The following GDAP1 variants were observed in gnomAD, a reference collection of about 807,000 sequenced individuals.
GDAP1 encodes the protein ganglioside induced differentiation associated protein 1.
Under a neutral mutation model 40.1 loss-of-function variants are expected in GDAP1, and 34 were observed. The ratio of observed to expected loss-of-function variants is 0.85; its 90% CI spans 0.64 to 1.13. The LOEUF (loss-of-function observed/expected upper bound fraction) is 1.13, where lower values mean the gene tolerates loss of function less well. Ranked by LOEUF, GDAP1 falls within the 50% of genes most tolerant of loss-of-function variation. GDAP1 has a pLI of 0.00. For synonymous variants in GDAP1, 170 were observed against 157.4 expected (o/e 1.08, Z -0.60); for missense variants, 374 against 433.7 (o/e 0.86, Z 1.22).
At chr8:74,413,507 T>G (rs1033784058) in intron 2 of GDAP1, among the ~76,000 whole-genome samples, 1 of 149,648 alleles carries the variant, frequency 6.7e-6, no homozygotes, top group African/African-American at 2.6e-5. Flanking sequence ...CTACTGAGAA[T>G]TAGAAAGGAA....
intron 2 of GDAP1, among the ~76,000 whole-genome samples, chr8:74,402,861 A>G (rs1810371897): frequency 6.6e-6 from 1 of 150,442 alleles, no homozygotes; most frequent in South Asian, 2.1e-4. Context: ...GTCAAGATAT[A>G]TCTGAACAGA....
chr8:74,377,151 A>G (rs1458449731), intron 2 of GDAP1, among the ~76,000 whole-genome samples: 1 of 152,202 alleles, frequency 6.6e-6, no homozygotes, highest in African/African-American at 2.4e-5. Context: ...GGAAAAGATT[A>G]CTAGAAAGGA....
intron 2 of GDAP1, among the ~76,000 whole-genome samples, chr8:74,352,535 G>A (rs1006121588): frequency 1.3e-5 from 2 of 152,220 alleles, no homozygotes; most frequent in Admixed American, 1.3e-4. Context: ...CTAGATGGTG[G>A]GCAGTGGCGA....
At chr8:74,435,020 A>G (rs1806071444) in intron 2 of GDAP1, among the ~76,000 whole-genome samples, 1 of 152,204 alleles carries the variant, frequency 6.6e-6, no homozygotes, top group African/African-American at 2.4e-5. Flanking sequence ...TGCTTTAAAA[A>G]TATATTGAAT....
In GDAP1 at chr8:74,410,595, T is replaced by C. The variant is rs554400744; in HGVS notation, c.165+59274T>C. ...AATGGGAGAAAAGTATAGTAGTTCT[T>C]TGTATGAGTTAAAGCTTAACAACAT... is the stretch of plus-strand genomic sequence containing the variant. On this transcript the variant is annotated intron_variant, in intron 2 of 2. Transcript: ENST00000523640. 6.0e-5 allele frequency among the ~76,000 whole-genome samples: 9 copies of C among 150,236 alleles called. No individual in the cohort carries two copies. In the South Asian group the frequency reaches 1.7e-3, roughly 28 times the overall value.
chr8:74,427,922 A>T (rs564676555), intron 2 of GDAP1, among the ~76,000 whole-genome samples: 1 of 152,334 alleles, frequency 6.6e-6, no homozygotes, highest in East Asian at 1.9e-4. Context: ...CACATTATAA[A>T]ATAATTTTAA....
intron 2 of GDAP1, among the ~76,000 whole-genome samples, chr8:74,385,160 T>C (rs1810007502): frequency 6.6e-6 from 1 of 152,120 alleles, no homozygotes; most frequent in Non-Finnish European, 1.5e-5. Flanking sequence ...GATAAAGAGA[T>C]AGGTGGTATA....
chr8:74,361,034 T>TA (rs1809336743), intron 3 of GDAP1, among the ~76,000 whole-genome samples: 1 of 152,106 alleles, frequency 6.6e-6, no homozygotes, highest in Non-Finnish European at 1.5e-5. Flanking sequence ...TCCTTTTTGA[T>TA]ACCCCTCCTT....
intron 2 of GDAP1, among the ~76,000 whole-genome samples, chr8:74,387,769 TTTTTAC>T (rs1810046739): frequency 6.6e-6 from 1 of 152,168 alleles, no homozygotes; most frequent in Non-Finnish European, 1.5e-5. Flanking sequence ...CCAGCTCCTC[TTTTTAC>T]CCCTGGTAGA....
intron 2 of GDAP1, among the ~76,000 whole-genome samples, chr8:74,477,595 C>A (rs1806647368): frequency 6.6e-6 from 1 of 152,200 alleles, no homozygotes; most frequent in South Asian, 2.1e-4. Flanking sequence ...TATTCTCTAA[C>A]CCTGGGGTAC....
chr8:74,431,304 A>G (rs1363739138), intron 2 of GDAP1, among the ~76,000 whole-genome samples: 1 of 152,000 alleles, frequency 6.6e-6, no homozygotes, highest in East Asian at 1.9e-4. Flanking sequence ...AATGAGATAT[A>G]TACTGAAGAA....
intron 2 of GDAP1, among the ~76,000 whole-genome samples, chr8:74,425,357 G>C (rs186953627): frequency 6.6e-6 from 1 of 152,166 alleles, no homozygotes; most frequent in Admixed American, 6.5e-5. Context: ...GAAGACAAAT[G>C]ATGGTTCATT....
intron 2 of GDAP1, among the ~76,000 whole-genome samples, chr8:74,386,612 G>A (rs1208957833): frequency 6.6e-6 from 1 of 152,170 alleles, no homozygotes; most frequent in African/African-American, 2.4e-5. Context: ...TGGAAGTCAG[G>A]TAGCGTGATG....
At chr8:74,372,696 T>A (rs1235833816) in intron 2 of GDAP1, among the ~76,000 whole-genome samples, 1 of 152,176 alleles carries the variant, frequency 6.6e-6, no homozygotes, top group Admixed American at 6.5e-5. Context: ...ATTGCAAAAA[T>A]TTTCTCCCTT....
At chr8:74,476,691 CT>C in intron 2 of GDAP1, among the ~76,000 whole-genome samples, 1 of 152,190 alleles carries the variant, frequency 6.6e-6, no homozygotes, top group African/African-American at 2.4e-5. Context: ...ACGACCTGTC[CT>C]TTCTCTCTTG....
At chr8:74,391,425 C>T (rs1201415361) in intron 2 of GDAP1, among the ~76,000 whole-genome samples, 1 of 151,880 alleles carries the variant, frequency 6.6e-6, no homozygotes, top group African/African-American at 2.4e-5. Flanking sequence ...CTTCCCTTGG[C>T]TAGGGGAGGG....
chr8:74,409,401 G>A (rs1175356381), intron 2 of GDAP1, among the ~76,000 whole-genome samples: 1 of 149,682 alleles, frequency 6.7e-6, no homozygotes, highest in Non-Finnish European at 1.5e-5. Flanking sequence ...GCCCAGACTG[G>A]AGTGCAGTGG....
chr8:74,378,967 A>G (rs150189448), intron 2 of GDAP1, among the ~76,000 whole-genome samples: 296 of 152,308 alleles, frequency 1.9e-3, no homozygotes, highest in African/African-American at 6.7e-3. Context: ...GGAATTTCAT[A>G]GTCCCTGGTC....
At chr8:74,461,738 G>T (rs918196288) in intron 2 of GDAP1, among the ~76,000 whole-genome samples, 2 of 152,192 alleles carry the variant, frequency 1.3e-5, no homozygotes, top group Non-Finnish European at 2.9e-5. Context: ...GCTCACATGG[G>T]ACCCCAAAGC....
Sources: gnomAD v4.1 joint callset for allele counts (sites outside exome capture counted in the v4.1 genomes callset) on GRCh38, gnomAD v4.1.1 for gene constraint, MANE v1.5 for transcripts, NCBI Gene and HGNC (gene_info 2026-07-23, HGNC 2026-07-21) for gene names.